The following PALS2 variants were observed in gnomAD, a reference collection of about 807,000 sequenced individuals.
PALS2 encodes protein PALS2.
A neutral mutation model predicts 61.6 loss-of-function variants in PALS2; 27 were observed. That is an observed-to-expected ratio of 0.44 (90% confidence interval 0.32 to 0.60). PALS2 has a LOEUF of 0.60. Among genes scored for constraint, PALS2 ranks in the 20% least tolerant of loss-of-function variants. The pLI is 0.05. For synonymous variants in PALS2, 236 were observed against 218.6 expected, an observed-to-expected ratio of 1.08 and a Z score of -0.70; for missense variants, 554 against 639.4, an observed-to-expected ratio of 0.87 and a Z score of 1.44.
Position 24,691,257 on chromosome 7 carries a change from G to A in PALS2, c.*3643G>A, listed in dbSNP as rs529379547. 1 of 151,550 alleles carries A rather than the reference G, an allele frequency of 6.6e-6. No individual in the cohort carries two copies. Among genetic ancestry groups the A allele is most frequent in the Non-Finnish European group, 1.5e-5 (1 of 67,814 alleles). The allele number at this position is 151,550 out of a possible 1,614,324, so 9.4% of individuals were successfully genotyped here. ...TTCTGAAACAGTACTCCATTATCCAGAAATCACAGGCTAGAGAGCCAATAA... is the reference window on the plus strand; with the variant it reads ...TTCTGAAACAGTACTCCATTATCCAAAAATCACAGGCTAGAGAGCCAATAA... On this transcript the variant is annotated 3_prime_UTR_variant, in exon 12 of 12. Transcript: ENST00000222644.
intron 11 of PALS2, among the ~76,000 whole-genome samples, chr7:24,682,199 G>A (rs1011492377): frequency 2.6e-5 from 4 of 152,070 alleles, no homozygotes; most frequent in Admixed American, 2.6e-4. Context: ...GACCCATTTG[G>A]TACTCCTACC....
chr7:24,665,814 C>T, intron 7 of PALS2, 127 bp downstream of exon 7: 1 of 989,102 alleles, frequency 1.0e-6, no homozygotes, highest in Non-Finnish European at 1.5e-6. Context: ...TCTGCTTTCT[C>T]TCGCTCATAA....
At chr7:24,607,751 C>A (rs1001677545) in intron 1 of PALS2, among the ~76,000 whole-genome samples, 1 of 151,668 alleles carries the variant, frequency 6.6e-6, no homozygotes, top group Admixed American at 6.6e-5. Flanking sequence ...TGGAAGCAGC[C>A]TGTATGTCTT....
At chr7:24,676,241 A>G (rs1259133091) in intron 9 of PALS2, among the ~76,000 whole-genome samples, 1 of 151,638 alleles carries the variant, frequency 6.6e-6, no homozygotes, top group Non-Finnish European at 1.5e-5. Context: ...TTTCTTGTAA[A>G]TTTGTTTGAG....
rs576479891 is a variant in PALS2, at chr7:24,618,477, C to T, written c.-2-5189C>T. 3.3e-5 allele frequency among the ~76,000 whole-genome samples: 5 copies of T among 152,332 alleles called. No homozygotes were observed. Among genetic ancestry groups the T allele is most frequent in the African/African-American group, 1.2e-4 (5 of 41,584 alleles). The stretch of plus-strand genomic sequence containing the variant: ...GTTCTGGTCTCAAGGTGATCGGTGA[C>T]ATGCTGCAGCAGCTTGGCTCACAAG... On this transcript the variant is annotated intron_variant, in intron 1 of 11. Coordinates refer to ENST00000222644, the MANE Select transcript of PALS2 (RefSeq NM_001303037.2). This position sits in a 1 kb window ranked among gnomAD's most constrained non-coding sequence, Gnocchi z 5.1.
chr7:24,606,553 T>C (rs1015212346), intron 1 of PALS2, among the ~76,000 whole-genome samples: 1 of 152,172 alleles, frequency 6.6e-6, no homozygotes, highest in Non-Finnish European at 1.5e-5. Context: ...AGAATATAGA[T>C]AAAATAGAAT....
In PALS2 at chr7:24,668,551, C is replaced by T. The variant is rs1787146056; in HGVS notation, c.1005C>T (p.Pro335=). 9 of 1,613,712 alleles carry T rather than the reference C, an allele frequency of 5.6e-6. No individual in the cohort carries two copies. The highest frequency in any genetic ancestry group is 2.2e-5 in the East Asian group (1 of 44,830). ...ATGAGGAGGTAGCCAAAATGCCTCC[C>T]TTCCAGAGAAAAACATTAGTATTGA... The part of the protein sequence containing the change: ...QIYEEVAKMP[P]FQRKTLVLIG... Residue 335 remains proline, a synonymous_variant, in exon 9 of 12, where the codon CCC becomes CCT. Transcript: ENST00000222644.
chr7:24,645,741 A>G (rs1185617340), intron 3 of PALS2, among the ~76,000 whole-genome samples: 1 of 152,200 alleles, frequency 6.6e-6, no homozygotes, highest in Non-Finnish European at 1.5e-5. Flanking sequence ...GGTTCTTCCT[A>G]TCCATGAGCA....
Position 24,623,801 on chromosome 7 carries a change from A to C in PALS2, c.117+17A>C, listed in dbSNP as rs1372991305. 4 of 1,453,824 alleles carry C rather than the reference A, an allele frequency of 2.8e-6. No homozygotes were observed. Among genetic ancestry groups the C allele is most frequent in the Non-Finnish European group, 3.8e-6 (4 of 1,060,960 alleles). 90.1% of individuals were successfully genotyped at this position (1,453,824 alleles called of 1,614,324 possible). Reference sequence around the variant, plus strand: ...CTTGCTAAGGTATATAGATTTATTCATAAGATTACTGAATTATTTTGGACT... The same window carrying C: ...CTTGCTAAGGTATATAGATTTATTCCTAAGATTACTGAATTATTTTGGACT... On this transcript the variant is annotated intron_variant, in intron 2 of 11. Coordinates refer to ENST00000222644, the MANE Select transcript of PALS2 (RefSeq NM_001303037.2).
intron 2 of PALS2, among the ~76,000 whole-genome samples, chr7:24,624,572 A>C (rs1033347809): frequency 7.4e-6 from 1 of 135,378 alleles, no homozygotes; most frequent in Non-Finnish European, 1.6e-5. Flanking sequence ...AAGGTTTTCT[A>C]TTAGTGAGAG....
intron 2 of PALS2, among the ~76,000 whole-genome samples, chr7:24,625,133 TA>T (rs972609079): frequency 2.2e-4 from 33 of 152,204 alleles, no homozygotes; most frequent in African/African-American, 7.5e-4. Context: ...CCTACTGTTT[TA>T]AAGTAATAGC....
chr7:24,676,695 G>A (rs1310026870), intron 9 of PALS2, among the ~76,000 whole-genome samples: 6 of 151,158 alleles, frequency 4.0e-5, no homozygotes, highest in Admixed American at 2.6e-4. Flanking sequence ...TAGATACGCG[G>A]CGTTATTTCT....
chr7:24,581,648 A>G (rs1239922819), intron 1 of PALS2, among the ~76,000 whole-genome samples: 2 of 152,174 alleles, frequency 1.3e-5, no homozygotes, highest in African/African-American at 4.8e-5. Flanking sequence ...TACTATGTAT[A>G]AGGTATAGGT....
At chr7:24,607,928 A>G (rs1783979055) in intron 1 of PALS2, among the ~76,000 whole-genome samples, 1 of 152,178 alleles carries the variant, frequency 6.6e-6, no homozygotes. Context: ...AGTTTTGTGT[A>G]AATTTGTCTA....
intron 2 of PALS2, among the ~76,000 whole-genome samples, chr7:24,640,939 C>T (rs373407863): frequency 4.6e-5 from 6 of 129,214 alleles, no homozygotes; most frequent in Admixed American, 9.9e-5. Context: ...ACCCGGGAGG[C>T]GGAGCTTGCA....
At chr7:24,582,543 T>C (rs1256773525) in intron 1 of PALS2, among the ~76,000 whole-genome samples, 2 of 137,220 alleles carry the variant, frequency 1.5e-5, no homozygotes, top group Non-Finnish European at 3.2e-5. Context: ...AAACATTGAT[T>C]TTTTTTTCAT....
At chr7:24,576,580 G>C (rs1389502560) in intron 1 of PALS2, among the ~76,000 whole-genome samples, 1 of 152,192 alleles carries the variant, frequency 6.6e-6, no homozygotes, top group African/African-American at 2.4e-5. Flanking sequence ...GTCTAAGTAT[G>C]CCTCTAACAT....
intron 9 of PALS2, among the ~76,000 whole-genome samples, chr7:24,678,723 C>G (rs1208290219): frequency 6.6e-6 from 1 of 152,170 alleles, no homozygotes; most frequent in Non-Finnish European, 1.5e-5. Context: ...ATTGAAGGCT[C>G]TGCTGCTAGG....
At chr7:24,617,017 C>T (rs960424511) in intron 1 of PALS2, among the ~76,000 whole-genome samples, 2 of 152,096 alleles carry the variant, frequency 1.3e-5, no homozygotes, top group South Asian at 4.1e-4. Context: ...TATTTCCCTT[C>T]TCTTCTTCTT....
Sources: gnomAD v4.1 joint callset for allele counts (sites outside exome capture counted in the v4.1 genomes callset) on GRCh38, gnomAD v4.1.1 for gene constraint, Gnocchi (gnomAD v3.1) non-coding constraint, MANE v1.5 for transcripts, NCBI Gene and HGNC (gene_info 2026-07-23, HGNC 2026-07-21) for gene names.